SPIDR: variants seen among roughly 807,000 people sequenced by gnomAD.
The protein encoded by SPIDR is scaffold protein involved in DNA repair.
SPIDR carries 93 observed loss-of-function variants against 104.6 expected under a neutral mutation model. That is an observed-to-expected ratio of 0.89 (90% CI 0.75 to 1.06). The LOEUF (loss-of-function observed/expected upper bound fraction) is 1.06, where lower values mean the gene tolerates loss of function less well. Ranked by LOEUF, SPIDR falls within the 50% of genes least tolerant of loss-of-function variation. The pLI is 0.00. For synonymous variants in SPIDR, 431 were observed against 416.9 expected, an observed-to-expected ratio of 1.03 and a Z score of -0.41; for missense variants, 1,154 against 1,111.2, an observed-to-expected ratio of 1.04 and a Z score of -0.55.
At chr8:47,572,959 T>A (rs2154406860) in intron 8 of SPIDR, among the ~76,000 whole-genome samples, 1 of 152,154 alleles carries the variant, frequency 6.6e-6, no homozygotes, top group East Asian at 1.9e-4. Flanking sequence ...GACAAGAGAA[T>A]GACATCGTTG....
chr8:47,385,658 A>G (rs2059810485), intron 5 of SPIDR, among the ~76,000 whole-genome samples: 1 of 152,210 alleles, frequency 6.6e-6, no homozygotes, highest in South Asian at 2.1e-4. Context: ...GGTAGTTTGT[A>G]TCACGTTTCC....
At chr8:47,349,400 C>T (rs2052933421) in intron 5 of SPIDR, among the ~76,000 whole-genome samples, 1 of 152,194 alleles carries the variant, frequency 6.6e-6, no homozygotes, top group African/African-American at 2.4e-5. Context: ...TGGGAGATGT[C>T]TCCCAGTTAG....
At chr8:47,515,361 G>C (rs1201539561) in intron 8 of SPIDR, among the ~76,000 whole-genome samples, 1 of 152,190 alleles carries the variant, frequency 6.6e-6, no homozygotes, top group Non-Finnish European at 1.5e-5. Flanking sequence ...ACTTAGCAAA[G>C]AAGAACCTTG....
At chr8:47,690,676 A>G (rs920666300) in intron 11 of SPIDR, among the ~76,000 whole-genome samples, 1 of 152,060 alleles carries the variant, frequency 6.6e-6, no homozygotes, top group Non-Finnish European at 1.5e-5. Context: ...AAAATTAACC[A>G]GGCATGGTGG....
intron 5 of SPIDR, among the ~76,000 whole-genome samples, chr8:47,313,948 C>G (rs1554587576): frequency 6.6e-6 from 1 of 152,180 alleles, no homozygotes; most frequent in Non-Finnish European, 1.5e-5. Context: ...GGAGATACTT[C>G]AAGCTGAAGG....
At chr8:47,451,472 T>C (rs976006103) in intron 8 of SPIDR, among the ~76,000 whole-genome samples, 1 of 151,952 alleles carries the variant, frequency 6.6e-6, no homozygotes, top group Non-Finnish European at 1.5e-5. Flanking sequence ...GTCCAGCTAC[T>C]TGGGAGGCTG....
At position 47,298,112 on chromosome 8, in the gene SPIDR, A is replaced by G. The variant is rs2041250311; in HGVS notation, c.525+4082A>G. On this transcript the variant is annotated intron_variant, in intron 5 of 19. Coordinates refer to ENST00000297423, the MANE Select transcript of SPIDR (RefSeq NM_001080394.4). ...GTTCCTGTTTCTCCACATCCTCTCC[A>G]GTACCTGTTGTTTCCTGACTTTTTA... Among the ~76,000 whole-genome samples, 4 of 152,172 alleles carry G rather than the reference A, an allele frequency of 2.6e-5. No individual in the cohort carries two copies. In the South Asian group the frequency reaches 8.3e-4, roughly 32 times the overall value.
intron 1 of SPIDR, among the ~76,000 whole-genome samples, chr8:47,261,393 C>T (rs955878478): frequency 2.0e-5 from 3 of 152,202 alleles, no homozygotes; most frequent in Non-Finnish European, 4.4e-5. Context: ...ACTGTCAACT[C>T]TGTCTCTCTT....
chr8:47,371,752 A>G (rs1389422060), intron 5 of SPIDR, among the ~76,000 whole-genome samples: 1 of 152,212 alleles, frequency 6.6e-6, no homozygotes, highest in Non-Finnish European at 1.5e-5. Flanking sequence ...AGGTCATGAA[A>G]TAAAGCCTCT....
intron 10 of SPIDR, among the ~76,000 whole-genome samples, chr8:47,604,711 G>A (rs967601389): frequency 2.0e-5 from 3 of 152,212 alleles, no homozygotes; most frequent in Non-Finnish European, 4.4e-5. Context: ...GTTGAAGGAT[G>A]TTCCCATTTG....
chr8:47,735,111 G>GGTGTGGGTGTGTGT (rs1554618431), intron 19 of SPIDR, among the ~76,000 whole-genome samples, 196 bp from the exon 20 acceptor site: 3 of 135,182 alleles, frequency 2.2e-5, no homozygotes, highest in African/African-American at 8.9e-5. Context: ...TGTGTGTGTG[G>GGTGTGGGTGTGTGT]GTGTGTGTGT....
chr8:47,488,259 G>T (rs992772794), intron 8 of SPIDR, among the ~76,000 whole-genome samples: 2 of 152,150 alleles, frequency 1.3e-5, no homozygotes, highest in Admixed American at 6.5e-5. Context: ...TAGAAGAAAT[G>T]GATAAATTCC....
intron 8 of SPIDR, among the ~76,000 whole-genome samples, chr8:47,579,238 G>A (rs2154410508): frequency 6.6e-6 from 1 of 152,260 alleles, no homozygotes; most frequent in South Asian, 2.1e-4. Context: ...ACAAACAGAG[G>A]TGGTGTCAAA....
chr8:47,704,969 C>T (rs916550724), intron 14 of SPIDR, among the ~76,000 whole-genome samples: 10 of 152,328 alleles, frequency 6.6e-5, no homozygotes, highest in South Asian at 4.1e-4. Context: ...GCATCTGGCA[C>T]ATTCCTGCTC....
At chr8:47,529,400 C>T (rs1024096382) in intron 8 of SPIDR, among the ~76,000 whole-genome samples, 3 of 151,542 alleles carry the variant, frequency 2.0e-5, no homozygotes, top group African/African-American at 4.9e-5. Flanking sequence ...GGCAACAGAG[C>T]GAGACTCCAT....
At position 47,273,579 on chromosome 8, in the gene SPIDR, GT is replaced by G. The variant is rs1366476590; in HGVS notation, c.34-6271del. Reference sequence around the variant, plus strand: ...GCTCATCGAATCTTGTTAAAGAGTTGTTTTTTTTTTTTAATTGTTCATTTTT... The same window carrying G: ...GCTCATCGAATCTTGTTAAAGAGTTGTTTTTTTTTTTAATTGTTCATTTTT... On this transcript the variant is annotated intron_variant, in intron 1 of 19. Transcript: ENST00000297423. Among the ~76,000 whole-genome samples the G allele has an allele frequency of 5.1e-3, 728 of 142,610 alleles. 4 individuals are homozygous for G. Among genetic ancestry groups the G allele is most frequent in the East Asian group, 0.019 (92 of 4,862 alleles). 93.6% of individuals were successfully genotyped at this position (142,610 alleles called of 152,430 possible).
chr8:47,456,185 A>G (rs2072933171), intron 8 of SPIDR, among the ~76,000 whole-genome samples: 1 of 152,206 alleles, frequency 6.6e-6, no homozygotes, highest in South Asian at 2.1e-4. Context: ...ATATGGAGAT[A>G]GAGCCTTTAA....
chr8:47,400,709 A>G (rs1330327663), intron 6 of SPIDR, among the ~76,000 whole-genome samples: 1 of 143,538 alleles, frequency 7.0e-6, no homozygotes, highest in Non-Finnish European at 1.5e-5. Context: ...TTGTGGAACT[A>G]TTCAAAGCAT....
intron 8 of SPIDR, among the ~76,000 whole-genome samples, chr8:47,442,458 T>C (rs2069624478): frequency 6.6e-6 from 1 of 152,230 alleles, no homozygotes; most frequent in Admixed American, 6.5e-5. Context: ...GGTAGGTTAA[T>C]CTCTGCATTC....
Sources: gnomAD v4.1 joint callset for allele counts (sites outside exome capture counted in the v4.1 genomes callset) on GRCh38, gnomAD v4.1.1 for gene constraint, MANE v1.5 for transcripts, NCBI Gene and HGNC (gene_info 2026-07-23, HGNC 2026-07-21) for gene names.